Variants in XRN1 observed in about 807,000 individuals in gnomAD.
The protein encoded by XRN1 is 5'-3' exoribonuclease 1.
Under a neutral mutation model 222.3 loss-of-function variants are expected in XRN1, and 67 were observed. That is an observed-to-expected ratio of 0.30 (90% CI 0.25 to 0.37). The LOEUF is 0.37. Among genes scored for constraint, XRN1 ranks in the 10% least tolerant of loss-of-function variants. The probability of loss-of-function intolerance (pLI) is 1.00; values close to 1 mark genes in which losing one functional copy is unlikely to be tolerated. For synonymous variants in XRN1, 643 were observed against 652.4 expected (o/e 0.99, Z 0.22); for missense variants, 1,707 against 2,000.2 (o/e 0.85, Z 2.80).
intron 5 of XRN1, among the ~76,000 whole-genome samples, chr3:142,424,378 G>A (rs1032786571): frequency 6.6e-6 from 1 of 152,188 alleles, no homozygotes; most frequent in Non-Finnish European, 1.5e-5. Flanking sequence ...TTACAGGCAT[G>A]AGCCACCTTG....
intron 12 of XRN1, chr3:142,418,292 C>A (rs2068864699): frequency 4.4e-6 from 2 of 449,968 alleles, no homozygotes; most frequent in Non-Finnish European, 7.7e-6. Flanking sequence ...ACATAAGGAT[C>A]ATTTTCTCTT....
chr3:142,355,571 T>G (rs1162058174), intron 31 of XRN1, 75 bp from the exon 32 acceptor site: 3 of 1,007,336 alleles, frequency 3.0e-6, no homozygotes, highest in Non-Finnish European at 4.4e-6. Flanking sequence ...ATCAAATAAT[T>G]CATCTATTAA....
At chr3:142,408,890 T>A (rs947059398) in intron 15 of XRN1, among the ~76,000 whole-genome samples, 1 of 152,226 alleles carries the variant, frequency 6.6e-6, no homozygotes, top group African/African-American at 2.4e-5. Context: ...TCCATTCAAC[T>A]GGGATTATGG....
chr3:142,334,779 C>CAT (rs2065804950), intron 34 of XRN1, among the ~76,000 whole-genome samples: 1 of 149,440 alleles, frequency 6.7e-6, no homozygotes, highest in Admixed American at 6.7e-5. Flanking sequence ...CACACACACA[C>CAT]ACACACACAC....
chr3:142,417,868 A>G (rs2068845123), intron 12 of XRN1: 1 of 152,230 alleles, frequency 6.6e-6, no homozygotes, highest in Non-Finnish European at 1.5e-5. Flanking sequence ...TTTAATATGA[A>G]AAATATTGCT....
intron 9 of XRN1, 122 bp from the exon 10 acceptor site, chr3:142,421,275 A>C (rs1308779896): frequency 1.9e-6 from 2 of 1,043,364 alleles, no homozygotes; most frequent in Non-Finnish European, 2.7e-6. Flanking sequence ...ACTCTTTTAT[A>C]TATATGGGAG....
At chr3:142,374,178 A>C (rs2067070299) in intron 25 of XRN1, among the ~76,000 whole-genome samples, 1 of 152,178 alleles carries the variant, frequency 6.6e-6, no homozygotes, top group Admixed American at 6.5e-5. Context: ...GAGGCATGAA[A>C]GTCAGAAAAG....
intron 1 of XRN1, among the ~76,000 whole-genome samples, chr3:142,443,322 T>G (rs1457049454): frequency 6.6e-6 from 1 of 151,966 alleles, no homozygotes; most frequent in African/African-American, 2.4e-5. Flanking sequence ...CTGCTGAGAG[T>G]GGGGACTGAG....
At position 142,332,948 on chromosome 3, in the gene XRN1, G is replaced by A. The variant is rs1444744406; in HGVS notation, c.4062+19C>T. The stretch of plus-strand genomic sequence containing the variant: ...GTCGAGAAATTACCACAGTAAGAAA[G>A]TTCCTACAAAATACGAACCATGGCA... On this transcript the variant is annotated intron_variant, in intron 35 of 40. Coordinates refer to ENST00000392981, the MANE Select transcript of XRN1 (RefSeq NM_001282857.2). 1.9e-6 allele frequency: 3 copies of A among 1,611,456 alleles called. No individual in the cohort carries two copies. The highest frequency in any genetic ancestry group is 2.5e-6 in the Non-Finnish European group (3 of 1,179,058).
chr3:142,405,084 T>C lies in XRN1; in HGVS notation c.1714-8A>G, dbSNP rs941711451. ...GGCTTCCAATAATCGCTTCTGAATATAAGGATTGAAGAGAAGGGTTACAAG... is the reference window on the plus strand; with the variant it reads ...GGCTTCCAATAATCGCTTCTGAATACAAGGATTGAAGAGAAGGGTTACAAG... On this transcript the variant is annotated splice_region_variant and splice_polypyrimidine_tract_variant and intron_variant, in intron 15 of 40. Coordinates refer to ENST00000392981, the MANE Select transcript of XRN1 (RefSeq NM_001282857.2). 1.9e-6 allele frequency: 3 copies of C among 1,613,114 alleles called. No homozygotes were observed. Among genetic ancestry groups the C allele is most frequent in the Non-Finnish European group, 2.5e-6 (3 of 1,179,322 alleles).
At chr3:142,351,592 T>C (rs1339516677) in intron 32 of XRN1, among the ~76,000 whole-genome samples, 1 of 152,146 alleles carries the variant, frequency 6.6e-6, no homozygotes, top group Non-Finnish European at 1.5e-5. Flanking sequence ...TTCTTGCCTT[T>C]ATCTATTTGT....
intron 27 of XRN1, among the ~76,000 whole-genome samples, chr3:142,366,468 A>G (rs6440080): frequency 0.079 from 12,071 of 152,250 alleles, 1,602 homozygotes; most frequent in African/African-American, 0.27. Context: ...ATCCATTTGT[A>G]TGCTGTATAT....
chr3:142,447,819 G>T lies in XRN1; in HGVS notation c.75+51C>A, dbSNP rs772302215. On this transcript the variant is annotated intron_variant, in intron 1 of 40. Transcript: ENST00000392981. This position sits in a 1 kb window ranked among gnomAD's most constrained non-coding sequence, Gnocchi z 4.2. ...CCCCAGCTCTAAGGTGGAGAGGGCC[G>T]CGGAGCCCCGGGTCCTCGGCTTTCT... The T allele has an allele frequency of 1.2e-6, 2 of 1,602,132 alleles. No homozygotes were observed. The highest frequency in any genetic ancestry group is 2.2e-5 in the South Asian group (2 of 90,704).
intron 14 of XRN1, 46 bp from the exon 15 acceptor site, chr3:142,412,709 C>T (rs1206611877): frequency 7.6e-7 from 1 of 1,315,680 alleles, no homozygotes; most frequent in Non-Finnish European, 1.0e-6. Flanking sequence ...GAACTAATAT[C>T]AATATAGTTT....
chr3:142,368,182 T>C (rs1332739528), intron 27 of XRN1, among the ~76,000 whole-genome samples: 3 of 152,010 alleles, frequency 2.0e-5, no homozygotes, highest in Admixed American at 2.0e-4. Flanking sequence ...GGAGTCTTGC[T>C]CTGTTGCCCA....
chr3:142,358,373 A>G (rs1220262109), intron 30 of XRN1, among the ~76,000 whole-genome samples: 1 of 151,846 alleles, frequency 6.6e-6, no homozygotes, highest in Non-Finnish European at 1.5e-5. Context: ...TCTATCACCT[A>G]TTTTTTTTCT....
intron 39 of XRN1, among the ~76,000 whole-genome samples, chr3:142,315,903 C>G (rs930109797): frequency 6.6e-6 from 1 of 152,168 alleles, no homozygotes; most frequent in African/African-American, 2.4e-5. Flanking sequence ...CAATTATTTG[C>G]TTATGCTACT....
At chr3:142,357,895 A>G (rs947556640) in intron 30 of XRN1, among the ~76,000 whole-genome samples, 2 of 152,048 alleles carry the variant, frequency 1.3e-5, no homozygotes, top group Non-Finnish European at 2.9e-5. Context: ...AAAATTAGCC[A>G]GACATGGTGG....
At chr3:142,366,372 C>T (rs1457123307) in intron 27 of XRN1, among the ~76,000 whole-genome samples, 2 of 152,138 alleles carry the variant, frequency 1.3e-5, no homozygotes, top group Admixed American at 6.6e-5. Flanking sequence ...TATTTACATA[C>T]TATAAAATGC....
Sources: gnomAD v4.1 joint callset for allele counts (sites outside exome capture counted in the v4.1 genomes callset) on GRCh38, gnomAD v4.1.1 for gene constraint, Gnocchi (gnomAD v3.1) non-coding constraint, MANE v1.5 for transcripts, NCBI Gene and HGNC (gene_info 2026-07-23, HGNC 2026-07-21) for gene names.